COL26A1: variants seen among roughly 807,000 people sequenced by gnomAD.
The protein encoded by COL26A1 is collagen alpha-1(XXVI) chain.
In COL26A1, 41 loss-of-function variants were observed where a neutral mutation model predicts 59.3. That is an observed-to-expected ratio of 0.69 (90% CI 0.54 to 0.90). The LOEUF is 0.90. Ranked by LOEUF, COL26A1 falls within the 40% of genes least tolerant of loss-of-function variation. COL26A1 has a pLI of 0.00. For synonymous variants in COL26A1, 266 were observed against 256.0 expected, an observed-to-expected ratio of 1.04 and a Z score of -0.37; for missense variants, 612 against 602.3, an observed-to-expected ratio of 1.02 and a Z score of -0.17.
intron 2 of COL26A1, among the ~76,000 whole-genome samples, chr7:101,445,151 T>G (rs1793157039): frequency 6.6e-6 from 1 of 152,042 alleles, no homozygotes; most frequent in Non-Finnish European, 1.5e-5. Flanking sequence ...AGGTACTTTA[T>G]GTTTACTATT....
At chr7:101,521,365 G>C (rs189310676) in intron 3 of COL26A1, among the ~76,000 whole-genome samples, 8 of 152,284 alleles carry the variant, frequency 5.3e-5, no homozygotes, top group Non-Finnish European at 1.0e-4. Context: ...GACTGAGACA[G>C]GTGGATATAC....
At chr7:101,461,157 T>A (rs1277656835) in intron 3 of COL26A1, among the ~76,000 whole-genome samples, 1 of 152,032 alleles carries the variant, frequency 6.6e-6, no homozygotes, top group African/African-American at 2.4e-5. Context: ...TTTGTTTTGT[T>A]TTGTTTTACA....
intron 1 of COL26A1, among the ~76,000 whole-genome samples, chr7:101,418,862 C>T (rs1792439708): frequency 6.6e-6 from 1 of 152,062 alleles, no homozygotes; most frequent in African/African-American, 2.4e-5. Flanking sequence ...CTTTCCTCCT[C>T]TCCACTGCCC....
At chr7:101,409,417 G>A (rs952814722) in intron 1 of COL26A1, among the ~76,000 whole-genome samples, 3 of 152,192 alleles carry the variant, frequency 2.0e-5, no homozygotes, top group Non-Finnish European at 4.4e-5. Context: ...GTGACTTGTG[G>A]TCTTCTCTGG....
intron 3 of COL26A1, among the ~76,000 whole-genome samples, chr7:101,506,764 A>T (rs1794820340): frequency 6.6e-6 from 1 of 152,158 alleles, no homozygotes; most frequent in Non-Finnish European, 1.5e-5. Flanking sequence ...CCATCCGGGG[A>T]TTTCCAGCCA....
intron 1 of COL26A1, among the ~76,000 whole-genome samples, chr7:101,363,623 T>G (rs10248092): frequency 7.5e-6 from 1 of 133,112 alleles, no homozygotes; most frequent in Non-Finnish European, 1.6e-5. Flanking sequence ...GCTGCGGGGC[T>G]GCGGGGTTGC....
intron 3 of COL26A1, among the ~76,000 whole-genome samples, chr7:101,453,489 G>A (rs1313108471): frequency 6.6e-6 from 1 of 152,206 alleles, no homozygotes; most frequent in African/African-American, 2.4e-5. Flanking sequence ...TGATTATGAT[G>A]AGTTCCAGCA....
chr7:101,362,680 G>A, upstream of COL26A1: 1 of 365,268 alleles, frequency 2.7e-6, no homozygotes, highest in Non-Finnish European at 4.9e-6. Flanking sequence ...TGTAGCGGGG[G>A]CCTGGGCGCG....
chr7:101,480,703 A>G (rs1277687404), intron 3 of COL26A1, among the ~76,000 whole-genome samples: 1 of 152,102 alleles, frequency 6.6e-6, no homozygotes, highest in African/African-American at 2.4e-5. Flanking sequence ...GAGTTTTACC[A>G]TGTAGCCCAG....
intron 1 of COL26A1, among the ~76,000 whole-genome samples, chr7:101,371,953 C>T (rs1373519156): frequency 6.6e-6 from 1 of 152,082 alleles, no homozygotes; most frequent in Non-Finnish European, 1.5e-5. Flanking sequence ...AGTCTTTGTG[C>T]CTCAGTTTTC....
rs1584391744 is a variant in COL26A1, at chr7:101,419,923, A to C, written c.159-54A>C. 1.9e-6 allele frequency: 3 copies of C among 1,592,706 alleles called. No homozygotes were observed. The East Asian group carries it at 6.8e-5, about 36-fold the overall frequency. ...TGTCCAGCACGGCCCCCTGACCCGA[A>C]GTTGGCAGCTCTGGGAACAGGCAGG... is the stretch of plus-strand genomic sequence containing the variant. On this transcript the variant is annotated intron_variant, in intron 1 of 12. Transcript: ENST00000313669.
At chr7:101,448,941 G>C (rs765472495) in intron 3 of COL26A1, among the ~76,000 whole-genome samples, 1 of 152,188 alleles carries the variant, frequency 6.6e-6, no homozygotes, top group Admixed American at 6.5e-5. Context: ...AGCTCTTTGG[G>C]TTACAAAGAA....
chr7:101,481,046 T>C (rs964071404), intron 3 of COL26A1, among the ~76,000 whole-genome samples: 1 of 152,202 alleles, frequency 6.6e-6, no homozygotes, highest in African/African-American at 2.4e-5. Context: ...ATTTCTGATA[T>C]TAATTCAAAC....
At chr7:101,499,720 T>TA (rs1208113447) in intron 3 of COL26A1, among the ~76,000 whole-genome samples, 1 of 150,954 alleles carries the variant, frequency 6.6e-6, no homozygotes, top group Admixed American at 6.6e-5. Flanking sequence ...AAAATAAAAA[T>TA]AAAAAAATTA....
At chr7:101,400,566 T>TA (rs1562962868) in intron 1 of COL26A1, among the ~76,000 whole-genome samples, 2 of 151,984 alleles carry the variant, frequency 1.3e-5, no homozygotes, top group Non-Finnish European at 2.9e-5. Flanking sequence ...TTTGTTTGTT[T>TA]ATTTGTTTTG....
rs1554421172 is a variant in COL26A1 at position 101,489,693 on chromosome 7, C to CTTTCTTTCTTTCTT, written c.385+41911_385+41912insTTCTTTCTTTTTCT. 9.3e-4 allele frequency among the ~76,000 whole-genome samples: 11 copies of CTTTCTTTCTTTCTT among 11,810 alleles called. 4 individuals are homozygous for CTTTCTTTCTTTCTT. Among genetic ancestry groups the CTTTCTTTCTTTCTT allele is most frequent in the African/African-American group, 3.5e-3 (10 of 2,868 alleles). The allele number at this position is 11,810 out of a possible 152,430, so 7.7% of individuals were successfully genotyped here. ...CCTTCCTTCCTTCCTTTCTTTCTTT[C>CTTTCTTTCTTTCTT]TTTCTGTCTTTCTTTCTTTCATTCT... is the stretch of plus-strand genomic sequence containing the variant. On this transcript the variant is annotated intron_variant, in intron 3 of 12. Transcript: ENST00000313669.
At chr7:101,375,716 G>A (rs370357440) in intron 1 of COL26A1, among the ~76,000 whole-genome samples, 11 of 151,392 alleles carry the variant, frequency 7.3e-5, no homozygotes, top group African/African-American at 9.7e-5. Flanking sequence ...GGCCAGGCAC[G>A]GTGGCTCACG....
chr7:101,468,673 G>C (rs1372603875), intron 3 of COL26A1, among the ~76,000 whole-genome samples: 2 of 152,236 alleles, frequency 1.3e-5, no homozygotes, highest in Non-Finnish European at 2.9e-5. Context: ...CATGTTCGGT[G>C]GTTAAACCGT....
intron 9 of COL26A1, 48 bp downstream of exon 9, chr7:101,549,271 G>C: frequency 7.2e-7 from 1 of 1,387,136 alleles, no homozygotes; most frequent in Non-Finnish European, 1.0e-6. Context: ...GGCGGGTGGC[G>C]GGTGGCCTTG....
Sources: allele counts gnomAD v4.1 joint callset (sites outside exome capture counted in the v4.1 genomes callset), GRCh38; gene constraint gnomAD v4.1.1; transcripts MANE v1.5; gene names NCBI Gene and HGNC (gene_info 2026-07-23, HGNC 2026-07-21).